SMYD3: variants seen among roughly 807,000 people sequenced by gnomAD.
SMYD3 encodes histone-lysine N-methyltransferase SMYD3.
Under a neutral mutation model 57.7 loss-of-function variants are expected in SMYD3, and 36 were observed. That is an observed-to-expected ratio of 0.62 (90% confidence interval 0.48 to 0.82). The LOEUF (loss-of-function observed/expected upper bound fraction) is 0.82. SMYD3 is among the 40% of genes least tolerant of loss of function. The pLI is 0.00. For missense variants in SMYD3, 515 were observed against 538.8 expected, an observed-to-expected ratio of 0.96 and a Z score of 0.44; for synonymous variants, 211 against 195.0, an observed-to-expected ratio of 1.08 and a Z score of -0.68.
chr1:246,295,571 G>A (rs1027945122), intron 5 of SMYD3, among the ~76,000 whole-genome samples: 1 of 152,084 alleles, frequency 6.6e-6, no homozygotes, highest in Non-Finnish European at 1.5e-5. Flanking sequence ...GATGCTGGTG[G>A]TATTCTGTTA....
intron 5 of SMYD3, among the ~76,000 whole-genome samples, chr1:246,009,131 G>T (rs1050775081): frequency 2.6e-5 from 4 of 152,126 alleles, no homozygotes; most frequent in African/African-American, 7.2e-5. Flanking sequence ...AGCAAAAATC[G>T]ACAGGTGTGT....
chr1:246,278,795 C>A (rs2064386390), intron 5 of SMYD3, among the ~76,000 whole-genome samples: 1 of 152,058 alleles, frequency 6.6e-6, no homozygotes, highest in African/African-American at 2.4e-5. Context: ...CTGCTTTAGG[C>A]CACAAAGTAT....
At position 246,018,259 on chromosome 1, in the gene SMYD3, C is replaced by T. The variant is rs567552991; in HGVS notation, c.532-88322G>A. On this transcript the variant is annotated intron_variant, in intron 5 of 11. Coordinates refer to ENST00000490107, the MANE Select transcript of SMYD3 (RefSeq NM_001167740.2). ...TCTCTCTAATGAACAGAGTTTTATT[C>T]CAGTTCCTTCCCTTTCCAAAACAAC... Among the ~76,000 whole-genome samples the T allele has an allele frequency of 2.6e-5, 4 of 152,306 alleles. No homozygotes were observed. In the South Asian group the frequency reaches 8.3e-4, roughly 32 times the overall value.
At chr1:246,244,983 G>A (rs574436242) in intron 5 of SMYD3, among the ~76,000 whole-genome samples, 1 of 152,234 alleles carries the variant, frequency 6.6e-6, no homozygotes, top group South Asian at 2.1e-4. Flanking sequence ...ATCAGGCCAG[G>A]CAAAGCATTC....
At chr1:246,448,445 T>C (rs1044489645) in intron 1 of SMYD3, among the ~76,000 whole-genome samples, 1 of 152,066 alleles carries the variant, frequency 6.6e-6, no homozygotes, top group African/African-American at 2.4e-5. Context: ...TGGCAGGGAA[T>C]ACCCATCCCC....
At chr1:246,439,905 G>A (rs561166529) in intron 1 of SMYD3, among the ~76,000 whole-genome samples, 74 of 152,190 alleles carry the variant, frequency 4.9e-4, no homozygotes, top group African/African-American at 1.7e-3. Context: ...AGCCATGATC[G>A]CACCACTGCA....
At chr1:246,107,380 TCA>T (rs1242455565) in intron 5 of SMYD3, among the ~76,000 whole-genome samples, 1 of 152,160 alleles carries the variant, frequency 6.6e-6, no homozygotes, top group Non-Finnish European at 1.5e-5. Flanking sequence ...ACATATCTCA[TCA>T]CAGATTGCTC....
intron 7 of SMYD3, among the ~76,000 whole-genome samples, chr1:245,916,933 A>G (rs1012998495): frequency 2.0e-5 from 3 of 152,116 alleles, no homozygotes; most frequent in African/African-American, 4.8e-5. Context: ...TTACCAGTCC[A>G]TGACGACATG....
intron 5 of SMYD3, among the ~76,000 whole-genome samples, chr1:246,171,508 A>AT (rs2062333119): frequency 6.6e-6 from 1 of 152,094 alleles, no homozygotes; most frequent in Non-Finnish European, 1.5e-5. Flanking sequence ...TTGTTAGGTG[A>AT]TTTTGTCCTT....
intron 7 of SMYD3, among the ~76,000 whole-genome samples, chr1:245,925,042 G>C (rs2056273898): frequency 6.6e-6 from 1 of 150,924 alleles, no homozygotes; most frequent in Non-Finnish European, 1.5e-5. Flanking sequence ...TTCTGCCTCA[G>C]TTGCTGTTGA....
intron 5 of SMYD3, among the ~76,000 whole-genome samples, chr1:246,131,734 A>G (rs373454758): frequency 3.5e-4 from 54 of 152,346 alleles, no homozygotes; most frequent in African/African-American, 1.3e-3. Context: ...ATGCAATGAT[A>G]AAGTCTGACA....
chr1:246,328,128 C>T (rs1375439242), intron 4 of SMYD3, among the ~76,000 whole-genome samples: 1 of 151,808 alleles, frequency 6.6e-6, no homozygotes, highest in East Asian at 1.9e-4. Context: ...CAGGAGGTGG[C>T]GGTTGCAGTG....
rs1421812189 is a variant in SMYD3, at chr1:246,355,371, T to C, written c.165-277A>G. On this transcript the variant is annotated intron_variant, in intron 1 of 11. Coordinates refer to ENST00000490107, the MANE Select transcript of SMYD3 (RefSeq NM_001167740.2). The surrounding 1 kb of genome is among the most constrained non-coding windows in gnomAD (Gnocchi z 5.0). ...TCCCGATCGGACAGACAGAGCAGCG[T>C]GTGGGGACTCACACTGTGAACTTTT... The C allele has an allele frequency of 4.9e-6, 2 of 409,154 alleles. No individual in the cohort carries two copies. Among genetic ancestry groups the C allele is most frequent in the Non-Finnish European group, 8.9e-6 (2 of 224,494 alleles). 25.3% of individuals were successfully genotyped at this position (409,154 alleles called of 1,614,324 possible).
At position 246,348,059 on chromosome 1, in the gene SMYD3, G is replaced by GC. The variant is rs1553336522; in HGVS notation, c.228+6971_228+6972insG. On this transcript the variant is annotated intron_variant, in intron 2 of 11. Coordinates refer to ENST00000490107, the MANE Select transcript of SMYD3 (RefSeq NM_001167740.2). ...CATTGGTGGACTGAATAAAGAAAAC[G>GC]TTATATATATATATATATACACACA... 3.0e-3 allele frequency among the ~76,000 whole-genome samples: 140 copies of GC among 45,952 alleles called. 4 individuals are homozygous for GC. The highest frequency in any genetic ancestry group is 4.8e-3 in the African/African-American group (57 of 11,806). The allele number at this position is 45,952 out of a possible 152,430, so 30.1% of individuals were successfully genotyped here. A position where few individuals can be genotyped will look rare whatever the true frequency, so the allele number is the denominator to read the frequency against.
At chr1:245,966,312 C>T (rs1572806958) in intron 5 of SMYD3, among the ~76,000 whole-genome samples, 7 of 152,164 alleles carry the variant, frequency 4.6e-5, no homozygotes, top group South Asian at 4.2e-4. Context: ...GAACTACAGA[C>T]GCCTGCCACT....
At chr1:246,309,245 A>C (rs2065035595) in intron 5 of SMYD3, among the ~76,000 whole-genome samples, 2 of 152,218 alleles carry the variant, frequency 1.3e-5, no homozygotes, top group Admixed American at 1.3e-4. Context: ...TTCTAGCAAA[A>C]CAATGCATTT....
At chr1:246,259,067 G>C (rs888106212) in intron 5 of SMYD3, among the ~76,000 whole-genome samples, 2 of 152,076 alleles carry the variant, frequency 1.3e-5, no homozygotes, top group Non-Finnish European at 2.9e-5. Flanking sequence ...TCCAGAACTG[G>C]TTGATTTCTT....
chr1:246,376,249 T>A (rs192621034), intron 1 of SMYD3, among the ~76,000 whole-genome samples: 2 of 152,270 alleles, frequency 1.3e-5, no homozygotes, highest in East Asian at 3.9e-4. Flanking sequence ...AGAACCGATC[T>A]TATGTTCATA....
chr1:246,316,767 G>A (rs76404441), intron 5 of SMYD3, among the ~76,000 whole-genome samples: 21,011 of 150,024 alleles, frequency 0.14, 2,006 homozygotes, highest in East Asian at 0.39. Context: ...AGGCCGAGGC[G>A]AGCGGATCAC....
Sources: allele counts gnomAD v4.1 joint callset (sites outside exome capture counted in the v4.1 genomes callset), GRCh38; gene constraint gnomAD v4.1.1; non-coding constraint Gnocchi (gnomAD v3.1); transcripts MANE v1.5; gene names NCBI Gene and HGNC (gene_info 2026-07-23, HGNC 2026-07-21).